Variants in ZNF407 observed in about 807,000 individuals in gnomAD.
The protein encoded by ZNF407 is zinc finger protein 407.
In ZNF407, 17 loss-of-function variants were observed where a neutral mutation model predicts 131.2. The observed-to-expected ratio is 0.13, with a 90% confidence interval of 0.09 to 0.19. ZNF407 has a LOEUF of 0.19. Ranked by LOEUF, ZNF407 falls within the 10% of genes least tolerant of loss-of-function variation. ZNF407 has a pLI of 1.00. For synonymous variants in ZNF407, 1,156 were observed against 1,062.0 expected (o/e 1.09, Z -1.72); for missense variants, 2,681 against 2,830.6 (o/e 0.95, Z 1.20).
intron 1 of ZNF407, among the ~76,000 whole-genome samples, chr18:74,625,764 T>G (rs1196029094): frequency 6.6e-6 from 1 of 152,228 alleles, no homozygotes; most frequent in East Asian, 1.9e-4. Flanking sequence ...CTGTAAATAC[T>G]TAGATATTAG....
intron 8 of ZNF407, among the ~76,000 whole-genome samples, chr18:75,029,015 G>A (rs1184511812): frequency 6.6e-6 from 1 of 152,158 alleles, no homozygotes; most frequent in African/African-American, 2.4e-5. Context: ...GTATGTTCAG[G>A]TGCCTTTGTT....
chr18:74,992,331 G>A (rs537026612), intron 8 of ZNF407, among the ~76,000 whole-genome samples: 4 of 152,306 alleles, frequency 2.6e-5, no homozygotes, highest in African/African-American at 9.6e-5. Context: ...GCCCTGGGTG[G>A]GGAGGAGACA....
chr18:74,811,809 G>A (rs1305164796), intron 4 of ZNF407, among the ~76,000 whole-genome samples: 1 of 151,566 alleles, frequency 6.6e-6, no homozygotes, highest in Admixed American at 6.6e-5. Flanking sequence ...TCACTCATAG[G>A]TGGTAACTGA....
intron 8 of ZNF407, among the ~76,000 whole-genome samples, chr18:75,051,886 C>G (rs1421603010): frequency 6.6e-6 from 1 of 152,204 alleles, no homozygotes; most frequent in Non-Finnish European, 1.5e-5. Context: ...CAGGCACTCT[C>G]ATAAGTGAAG....
chr18:75,046,717 C>A (rs143413604), intron 8 of ZNF407, among the ~76,000 whole-genome samples: 149 of 151,880 alleles, frequency 9.8e-4, no homozygotes, highest in African/African-American at 3.5e-3. Context: ...CAATCTCCTC[C>A]CTTCTTTGGC....
At chr18:74,735,483 T>A (rs1359678256) in intron 3 of ZNF407, among the ~76,000 whole-genome samples, 2 of 152,222 alleles carry the variant, frequency 1.3e-5, no homozygotes, top group Non-Finnish European at 2.9e-5. Flanking sequence ...TTACTTTAAT[T>A]ACTGGCTGCC....
At chr18:74,644,235 G>A (rs1413598646) in intron 3 of ZNF407, among the ~76,000 whole-genome samples, 2 of 130,002 alleles carry the variant, frequency 1.5e-5, no homozygotes, top group Non-Finnish European at 3.1e-5. Context: ...ATATCCAAAT[G>A]TGATCGAGAG....
intron 4 of ZNF407, among the ~76,000 whole-genome samples, chr18:74,835,660 G>T (rs1970548240): frequency 6.6e-6 from 1 of 151,536 alleles, no homozygotes; most frequent in Non-Finnish European, 1.5e-5. Flanking sequence ...GTGTGTGTGT[G>T]TGTGTGTAAA....
At chr18:75,061,119 ACT>A (rs1973628547) in intron 8 of ZNF407, among the ~76,000 whole-genome samples, 2 of 152,214 alleles carry the variant, frequency 1.3e-5, no homozygotes, top group African/African-American at 2.4e-5. Context: ...AAAATGGTTG[ACT>A]CTGTTTTTAA....
intron 7 of ZNF407, among the ~76,000 whole-genome samples, chr18:74,913,586 C>T (rs1420058212): frequency 2.0e-5 from 3 of 152,184 alleles, no homozygotes; most frequent in South Asian, 4.2e-4. Flanking sequence ...TTACTTCTCC[C>T]GAAAGATTGA....
chr18:74,811,585 T>C (rs1444450090), intron 4 of ZNF407, among the ~76,000 whole-genome samples: 1 of 152,106 alleles, frequency 6.6e-6, no homozygotes, highest in Non-Finnish European at 1.5e-5. Context: ...GTATGTTTAT[T>C]GCGGCACTAT....
intron 4 of ZNF407, among the ~76,000 whole-genome samples, chr18:74,822,071 CT>C (rs1411672173): frequency 6.6e-6 from 1 of 152,100 alleles, no homozygotes; most frequent in Non-Finnish European, 1.5e-5. Context: ...TAAATGTCTT[CT>C]TTTGAGAAGT....
chr18:74,812,942 A>G (rs1970217756), intron 4 of ZNF407, among the ~76,000 whole-genome samples: 1 of 152,118 alleles, frequency 6.6e-6, no homozygotes, highest in Non-Finnish European at 1.5e-5. Flanking sequence ...CATGTAGACT[A>G]CAGTTTTTGT....
intron 8 of ZNF407, among the ~76,000 whole-genome samples, chr18:74,979,067 C>A (rs1441243658): frequency 6.6e-6 from 1 of 152,122 alleles, no homozygotes; most frequent in Non-Finnish European, 1.5e-5. Flanking sequence ...TGCTTTTGAA[C>A]CTTCTCCAGT....
intron 7 of ZNF407, among the ~76,000 whole-genome samples, chr18:74,911,514 A>G (rs1568266018): frequency 6.6e-6 from 1 of 152,178 alleles, no homozygotes; most frequent in Non-Finnish European, 1.5e-5. Flanking sequence ...ATTTTTATAC[A>G]TGTGTCATAA....
chr18:74,945,319 C>T (rs375864320), intron 8 of ZNF407, among the ~76,000 whole-genome samples: 1 of 152,082 alleles, frequency 6.6e-6, no homozygotes, highest in East Asian at 1.9e-4. Flanking sequence ...TGCCGTGTGT[C>T]CTATAAATAT....
intron 8 of ZNF407, among the ~76,000 whole-genome samples, chr18:74,983,011 G>A (rs1972610990): frequency 2.0e-5 from 3 of 152,050 alleles, no homozygotes; most frequent in South Asian, 2.1e-4. Flanking sequence ...TGCTGCTACT[G>A]TAATAGCTTT....
intron 6 of ZNF407, among the ~76,000 whole-genome samples, chr18:74,887,406 C>T (rs893566290): frequency 1.3e-5 from 2 of 151,726 alleles, no homozygotes; most frequent in Admixed American, 6.6e-5. Context: ...CTAAAAGAGA[C>T]AAAAATCCCT....
intron 1 of ZNF407, among the ~76,000 whole-genome samples, chr18:74,607,459 G>C (rs1013998700): frequency 6.6e-6 from 1 of 151,100 alleles, no homozygotes; most frequent in Non-Finnish European, 1.5e-5. Flanking sequence ...AAAAAGAAAT[G>C]CACATAGTGA....
Sources: gnomAD v4.1 joint callset for allele counts (sites outside exome capture counted in the v4.1 genomes callset) on GRCh38, gnomAD v4.1.1 for gene constraint, MANE v1.5 for transcripts, NCBI Gene and HGNC (gene_info 2026-07-23, HGNC 2026-07-21) for gene names.